Variants in MDN1 observed in about 807,000 individuals in gnomAD.
MDN1 encodes the protein midasin AAA ATPase 1.
Under a neutral mutation model 669.2 loss-of-function variants are expected in MDN1, and 266 were observed. That is an observed-to-expected ratio of 0.40 (90% CI 0.36 to 0.44). The LOEUF is 0.44. MDN1 is among the 20% of genes least tolerant of loss of function. The pLI is 1.00. For synonymous variants in MDN1, 2,385 were observed against 2,457.1 expected, an observed-to-expected ratio of 0.97 and a Z score of 0.87; for missense variants, 5,940 against 6,754.0, an observed-to-expected ratio of 0.88 and a Z score of 4.22.
intron 35 of MDN1, among the ~76,000 whole-genome samples, chr6:89,730,154 TAGAA>T (rs756638125): frequency 8.5e-5 from 13 of 152,254 alleles, no homozygotes; most frequent in Admixed American, 3.3e-4. Flanking sequence ...TCTAGTTAGA[TAGAA>T]AGAGAGAAAG....
Position 89,648,681 on chromosome 6 carries a change from A to G in MDN1, c.16207-352T>C, listed in dbSNP as rs532722951. 3.9e-5 allele frequency among the ~76,000 whole-genome samples: 6 copies of G among 152,156 alleles called. No individual in the cohort carries two copies. The South Asian group carries it at 1.0e-3, about 26-fold the overall frequency. ...CCAGGAATTCAAGAGTAGCCCAGGC[A>G]ACACAGCAAGACCCCACATCTGTGG... On this transcript the variant is annotated intron_variant, in intron 97 of 101. Coordinates refer to ENST00000369393, the MANE Select transcript of MDN1 (RefSeq NM_014611.3).
chr6:89,713,895 G>A (rs1316486865), intron 46 of MDN1, among the ~76,000 whole-genome samples: 2 of 151,750 alleles, frequency 1.3e-5, no homozygotes, highest in Non-Finnish European at 2.9e-5. Flanking sequence ...AAAATTAGCC[G>A]GGCGTGGTGG....
chr6:89,797,634 G>T, intron 2 of MDN1: 2 of 475,444 alleles, frequency 4.2e-6, no homozygotes, highest in South Asian at 1.6e-5. Context: ...TGTTTTGCAA[G>T]CCATGAAGCA....
At chr6:89,813,841 G>A (rs1446424919) in intron 1 of MDN1, among the ~76,000 whole-genome samples, 3 of 151,896 alleles carry the variant, frequency 2.0e-5, no homozygotes, top group Admixed American at 6.6e-5. Flanking sequence ...CATTTTGGGT[G>A]GCCAAGGTGG....
rs148373484 is a variant in MDN1 at position 89,817,140 on chromosome 6, A to G, written c.102+2366T>C. On this transcript the variant is annotated intron_variant, in intron 1 of 101. Transcript: ENST00000369393. ...AGCTTTCCAGACCAAATCAATGTAC[A>G]TCTTACATGTACTGAGTGATGGCTT... Among the ~76,000 whole-genome samples, 374 of 152,240 alleles carry G rather than the reference A, an allele frequency of 2.5e-3. 1 individual carries two copies. The highest frequency in any genetic ancestry group is 3.5e-3 in the Non-Finnish European group (237 of 68,018).
chr6:89,697,288 T>C (rs1812828681), intron 59 of MDN1, among the ~76,000 whole-genome samples: 1 of 152,064 alleles, frequency 6.6e-6, no homozygotes, highest in Non-Finnish European at 1.5e-5. Flanking sequence ...AAACAACATA[T>C]ACTGATGAAA....
Position 89,650,173 on chromosome 6 carries a change from G to A in MDN1, c.16057C>T (p.Leu5353=). ...LKGDYRTGKR[L]NIRKVIPYIA... The stretch of plus-strand genomic sequence containing the variant: ...TATGGAATGACTTTCCGTATGTTTA[G>A]TCGTTTCCCAGTTCGATAGTCTCCT... Residue 5353 remains leucine, a synonymous_variant, in exon 97 of 102, where the codon CTA becomes TTA. Transcript: ENST00000369393. 1.2e-6 allele frequency: 2 copies of A among 1,614,088 alleles called. No homozygotes were observed. The highest frequency in any genetic ancestry group is 1.7e-6 in the Non-Finnish European group (2 of 1,179,996).
At position 89,751,527 on chromosome 6, in the gene MDN1, G is replaced by A. The variant is rs34764513; in HGVS notation, c.3131C>T (p.Ala1044Val). Residue 1044 changes from alanine (A) to valine (V), a missense_variant, in exon 23 of 102, where the codon GCG (alanine) becomes GTG (valine). Ala to Val is a moderately conservative substitution (Grantham distance 64). This residue lies in a region of MDN1 where 1,203 missense variants were observed against 1,268.9 expected (regional missense o/e 0.95). Coordinates refer to ENST00000369393, the MANE Select transcript of MDN1 (RefSeq NM_014611.3). ...RLIQVEGYWI[A>V]VGDKEPTIDE... Reference sequence around the variant, plus strand: ...TATTGTAGGCTCCTTGTCTCCCACCGCAATCCAGTAGCCTTCAACCTGGAT... The same window carrying A: ...TATTGTAGGCTCCTTGTCTCCCACCACAATCCAGTAGCCTTCAACCTGGAT... 1.1e-3 allele frequency: 1,738 copies of A among 1,614,046 alleles called. 17 individuals carry two copies. In the African/African-American group the frequency reaches 0.02, roughly 19 times the overall value.
At chr6:89,776,364 C>T (rs1035274322) in intron 12 of MDN1, among the ~76,000 whole-genome samples, 2 of 152,050 alleles carry the variant, frequency 1.3e-5, no homozygotes, top group East Asian at 1.9e-4. Context: ...AGGAGGCTGA[C>T]GCAGGAGAAT....
Position 89,779,883 on chromosome 6 carries a change from T to C in MDN1, c.1725+329A>G, listed in dbSNP as rs529453724. Among the ~76,000 whole-genome samples, 5 of 152,012 alleles carry C rather than the reference T, an allele frequency of 3.3e-5. No individual in the cohort carries two copies. The East Asian group carries it at 7.8e-4, about 24-fold the overall frequency. Reference sequence around the variant, plus strand: ...GAGATCGAGACCAGCCTGGCCAACATGGTGAAACCTCGTTTCTACTAAAAA... The same window carrying C: ...GAGATCGAGACCAGCCTGGCCAACACGGTGAAACCTCGTTTCTACTAAAAA... On this transcript the variant is annotated intron_variant, in intron 11 of 101. Coordinates refer to ENST00000369393, the MANE Select transcript of MDN1 (RefSeq NM_014611.3).
chr6:89,747,754 G>A (rs192110332), intron 26 of MDN1, among the ~76,000 whole-genome samples: 181 of 151,548 alleles, frequency 1.2e-3, no homozygotes, highest in Non-Finnish European at 2.1e-3. Flanking sequence ...AGCCGGGCGT[G>A]GTGGCGGGTG....
At chr6:89,725,424 G>A (rs1283582812) in intron 37 of MDN1, 28 bp from the exon 38 acceptor site, 1 of 1,567,272 alleles carries the variant, frequency 6.4e-7, no homozygotes, top group Middle Eastern at 1.7e-4. Context: ...TACATAATTT[G>A]TCTCAAATAT....
chr6:89,707,396 T>G lies in MDN1; in HGVS notation c.7979A>C (p.Glu2660Ala), dbSNP rs1482796842. The change falls in exon 52 of 102, where the codon GAG becomes GCG. Residue 2660 changes from glutamate to alanine, a missense_variant. By Grantham distance (107) the Glu-to-Ala change is moderately radical. Transcript: ENST00000369393. ...LVSVGSKKLR[E>A]SVLRMSFEFH... ...TTCAAAGGACATTCTCAAAACACTCTCTCTTAGCTTTTTGCTACCAACAGA... is the reference window on the plus strand; with the variant it reads ...TTCAAAGGACATTCTCAAAACACTCGCTCTTAGCTTTTTGCTACCAACAGA... The G allele has an allele frequency of 1.9e-6, 3 of 1,613,766 alleles. No individual in the cohort carries two copies.
In MDN1 at chr6:89,796,335, A is replaced by AC. The variant is rs753407248; in HGVS notation, c.330-1535_330-1534insG. On this transcript the variant is annotated intron_variant, in intron 2 of 101. Transcript: ENST00000369393. ...GCAAAACTCTGTCTCAAAAAAAAAA[A>AC]AAAAAAAAAAAAAAACAAAAAAAAA... 7.1e-5 allele frequency among the ~76,000 whole-genome samples: 8 copies of AC among 113,354 alleles called. 1 individual carries two copies. In the East Asian group the frequency reaches 7.3e-4, roughly 10 times the overall value. 74.4% of individuals were successfully genotyped at this position (113,354 alleles called of 152,430 possible).
At chr6:89,672,103 G>T in intron 82 of MDN1, 97 bp downstream of exon 82, 2 of 1,318,134 alleles carry the variant, frequency 1.5e-6, no homozygotes, top group Non-Finnish European at 2.0e-6. Context: ...ACTGAGGCCT[G>T]CTCTGGCACT....
chr6:89,761,579 C>A, intron 17 of MDN1, 66 bp downstream of exon 17: 1 of 1,184,508 alleles, frequency 8.4e-7, no homozygotes, highest in South Asian at 1.4e-5. Flanking sequence ...AAATAGTAAC[C>A]TGCCTGAAAC....
At chr6:89,793,683 A>G in intron 5 of MDN1, 79 bp downstream of exon 5, 2 of 1,242,510 alleles carry the variant, frequency 1.6e-6, no homozygotes, top group Non-Finnish European at 2.2e-6. Context: ...CACCTGGTAC[A>G]TAGAACCCAG....
chr6:89,682,716 A>AAAAAAAAAAC (rs1554171917), intron 73 of MDN1, among the ~76,000 whole-genome samples: 1 of 145,620 alleles, frequency 6.9e-6, no homozygotes. Flanking sequence ...AAAAAAAAAA[A>AAAAAAAAAAC]AAAAAAAAAA....
Position 89,700,259 on chromosome 6 carries a change from C to G in MDN1, c.8674G>C (p.Glu2892Gln), listed in dbSNP as rs142004099. The G allele has an allele frequency of 9.9e-6, 16 of 1,614,118 alleles. No individual in the cohort carries two copies. The highest frequency in any genetic ancestry group is 1.7e-5 in the Admixed American group (1 of 60,014). ...AGTGAGAGTCCTTTGGCTTTCAGTTCTAAACACTGAGCATGCACAAAATTC... is the reference window on the plus strand; with the variant it reads ...AGTGAGAGTCCTTTGGCTTTCAGTTGTAAACACTGAGCATGCACAAAATTC... ...LKNFVHAQCL[E>Q]LKAKGLSLGF... The change falls in exon 57 of 102, where the codon GAA (glutamate) becomes CAA (glutamine). Residue 2892 changes from glutamate to glutamine, a missense_variant. Transcript: ENST00000369393.
Sources: gnomAD v4.1 joint callset for allele counts (sites outside exome capture counted in the v4.1 genomes callset) on GRCh38, gnomAD v4.1.1 for gene constraint, gnomAD v4.1.1 regional missense constraint, MANE v1.5 for transcripts, NCBI Gene and HGNC (gene_info 2026-07-23, HGNC 2026-07-21) for gene names.